The following CACNA1S variants were observed in gnomAD, a reference collection of about 807,000 sequenced individuals.
The protein encoded by CACNA1S is calcium voltage-gated channel subunit alpha1 S, also known as voltage-dependent L-type calcium channel subunit alpha-1S.
In CACNA1S, 126 loss-of-function variants were observed where a neutral mutation model predicts 207.4. That is an observed-to-expected ratio of 0.61 (90% confidence interval 0.53 to 0.70). The LOEUF (loss-of-function observed/expected upper bound fraction) is 0.70. Among genes scored for constraint, CACNA1S ranks in the 30% least tolerant of loss-of-function variants. CACNA1S has a pLI of 0.00. For synonymous variants in CACNA1S, 960 were observed against 932.7 expected, an observed-to-expected ratio of 1.03 and a Z score of -0.53; for missense variants, 2,349 against 2,422.8, an observed-to-expected ratio of 0.97 and a Z score of 0.64.
chr1:201,057,967 G>A (rs1249589721), intron 28 of CACNA1S, among the ~76,000 whole-genome samples: 1 of 152,076 alleles, frequency 6.6e-6, no homozygotes, highest in African/African-American at 2.4e-5. Context: ...ATGTTCTTAT[G>A]CTTCCAATAA....
At chr1:201,078,365 G>GT (rs889858893) in intron 10 of CACNA1S, among the ~76,000 whole-genome samples, 3 of 151,980 alleles carry the variant, frequency 2.0e-5, no homozygotes, top group Admixed American at 2.0e-4. Context: ...CATCCAGCTA[G>GT]TTTTTTGTAT....
At position 201,053,225 on chromosome 1, in the gene CACNA1S, G is replaced by A; in HGVS notation, c.3845C>T (p.Ala1282Val). The A allele has an allele frequency of 1.2e-6, 2 of 1,614,256 alleles. No homozygotes were observed. Among genetic ancestry groups the A allele is most frequent in the Non-Finnish European group, 1.7e-6 (2 of 1,180,044 alleles). ...LLIVMLFFIY[A>V]VIGMQMFGKI... ...GCCTCTCACCTGCATGCCGATGACAGCGTAGATGAAGAAGAGCATGACGAT... is the reference window on the plus strand; with the variant it reads ...GCCTCTCACCTGCATGCCGATGACAACGTAGATGAAGAAGAGCATGACGAT... The change falls in exon 31 of 44, where the codon GCT becomes GTT. Residue 1282 changes from alanine to valine, a missense_variant. By Grantham distance (64) the Ala-to-Val change is moderately conservative (BLOSUM62 0). Coordinates refer to ENST00000362061, the MANE Select transcript of CACNA1S (RefSeq NM_000069.3). The surrounding 1 kb of genome is among the most constrained non-coding windows in gnomAD (Gnocchi z 5.1).
chr1:201,059,685 T>G (rs1356247712), intron 26 of CACNA1S, among the ~76,000 whole-genome samples: 1 of 152,166 alleles, frequency 6.6e-6, no homozygotes, highest in African/African-American at 2.4e-5. Flanking sequence ...GTCATTTGGG[T>G]ACAGGACTGG....
chr1:201,047,380 C>T, intron 37 of CACNA1S, 141 bp from the exon 38 acceptor site: 1 of 1,330,706 alleles, frequency 7.5e-7, no homozygotes, highest in Non-Finnish European at 1.1e-6. Flanking sequence ...ACTTTCCATC[C>T]TGAGGTTGGA....
chr1:201,109,983 G>A (rs888014382), intron 2 of CACNA1S, among the ~76,000 whole-genome samples, 181 bp downstream of exon 2: 2 of 152,220 alleles, frequency 1.3e-5, no homozygotes, highest in Non-Finnish European at 2.9e-5. Context: ...GAATAAGCAG[G>A]TTGACCCTGG....
rs138205421 is a variant in CACNA1S at position 201,089,269 on chromosome 1, C to A, written c.889G>T (p.Val297Phe). ...GGGCCCAGACCCACCCAGTAAAGGA[C>A]GTCAGTCCATCCCTCCATGGTAATG... ...QCITMEGWTD[V>F]LYWVNDAIGN... The change falls in exon 6 of 44, where the codon GTC becomes TTC. Residue 297 changes from valine to phenylalanine, a missense_variant. Physicochemically the swap from Val to Phe is conservative, Grantham distance 50 (BLOSUM62 -1). Transcript: ENST00000362061. 1.9e-6 allele frequency: 3 copies of A among 1,614,188 alleles called. No homozygotes were observed. Among genetic ancestry groups the A allele is most frequent in the Non-Finnish European group, 2.5e-6 (3 of 1,179,992 alleles).
chr1:201,106,155 C>T (rs1662874749), intron 2 of CACNA1S, among the ~76,000 whole-genome samples: 1 of 151,952 alleles, frequency 6.6e-6, no homozygotes, highest in African/African-American at 2.4e-5. Flanking sequence ...CTCCCCCTCC[C>T]CCACACCTCC....
At chr1:201,054,440 T>G in intron 29 of CACNA1S, 65 bp downstream of exon 29, 1 of 1,484,256 alleles carries the variant, frequency 6.7e-7, no homozygotes, top group Non-Finnish European at 9.4e-7. Context: ...GCCAGGCCCA[T>G]GCATGCAAGT....
chr1:201,073,465 C>A, intron 15 of CACNA1S, 84 bp downstream of exon 15: 1 of 1,131,078 alleles, frequency 8.8e-7, no homozygotes, highest in Admixed American at 1.7e-5. Context: ...CCACCCTACC[C>A]CACCTGTACC....
chr1:201,091,602 G>T (rs759912752), intron 5 of CACNA1S, 38 bp downstream of exon 5: 9 of 1,613,374 alleles, frequency 5.6e-6, no homozygotes, highest in Non-Finnish European at 7.6e-6. Context: ...AGCCATCCTA[G>T]GCCCTGCCCC....
In CACNA1S at chr1:201,059,334, G is replaced by A; in HGVS notation, c.3415-35C>T. The A allele has an allele frequency of 2.8e-6, 4 of 1,450,886 alleles. No individual in the cohort carries two copies. In the South Asian group the frequency reaches 3.5e-5, roughly 13 times the overall value. 89.9% of individuals were successfully genotyped at this position (1,450,886 alleles called of 1,614,324 possible). A position where few individuals can be genotyped will look rare whatever the true frequency, so the allele number is the denominator to read the frequency against. ...GGACACAGGAGCAGTGGGTCAGGGG[G>A]GCCGGGTTTGCCCACCCTGTAGATT... On this transcript the variant is annotated intron_variant, in intron 26 of 43. Coordinates refer to ENST00000362061, the MANE Select transcript of CACNA1S (RefSeq NM_000069.3).
At chr1:201,095,121 G>GGGGTGT (rs1662371249) in intron 2 of CACNA1S, among the ~76,000 whole-genome samples, 1 of 148,858 alleles carries the variant, frequency 6.7e-6, no homozygotes, top group Admixed American at 6.7e-5. Context: ...AGCTCCAGGA[G>GGGGTGT]GTGTGTGTGT....
intron 10 of CACNA1S, among the ~76,000 whole-genome samples, chr1:201,081,712 G>C (rs1324446847): frequency 6.6e-6 from 1 of 152,190 alleles, no homozygotes; most frequent in African/African-American, 2.4e-5. Context: ...GGCCTGGTGG[G>C]GGGTGTTTGG....
At chr1:201,110,048 C>A in intron 2 of CACNA1S, 116 bp downstream of exon 2, 1 of 938,990 alleles carries the variant, frequency 1.1e-6, no homozygotes, top group Non-Finnish European at 1.7e-6. Flanking sequence ...GCAGGGCCTG[C>A]ATCGTCAGGG....
intron 36 of CACNA1S, among the ~76,000 whole-genome samples, chr1:201,048,311 C>G (rs984316812): frequency 1.3e-5 from 2 of 152,224 alleles, no homozygotes; most frequent in African/African-American, 4.8e-5. Context: ...GCACCCCTGA[C>G]CCCTGTGCCA....
chr1:201,047,224 A>G lies in CACNA1S; in HGVS notation c.4559T>C (p.Val1520Ala), dbSNP rs1660501118. ...GAGGAATGTGGCGTAGAACTTCCCCACTGTCACCTCATCATCTGCAGAGGA... is the reference window on the plus strand; with the variant it reads ...GAGGAATGTGGCGTAGAACTTCCCCGCTGTCACCTCATCATCTGCAGAGGA... Reference protein sequence around the residue: ...IPPIGDDEVTVGKFYATFLIQ... With the variant: ...IPPIGDDEVTAGKFYATFLIQ... The change falls in exon 38 of 44, where the codon GTG (valine) becomes GCG (alanine). Residue 1520 changes from valine (V) to alanine (A), a missense_variant. Physicochemically the swap from Val to Ala is moderately conservative, Grantham distance 64 (BLOSUM62 0). Transcript: ENST00000362061. 6.2e-7 allele frequency: 1 copy of G among 1,614,046 alleles called. No individual in the cohort carries two copies. The highest frequency in any genetic ancestry group is 1.3e-5 in the African/African-American group (1 of 74,912).
Position 201,053,385 on chromosome 1 carries a change from G to A in CACNA1S, c.3795+74C>T. 1 of 1,612,254 alleles carries A rather than the reference G, an allele frequency of 6.2e-7. No homozygotes were observed. The highest frequency in any genetic ancestry group is 8.5e-7 in the Non-Finnish European group (1 of 1,178,432). ...CTGCCTTGCCCAGGGCTCCCCTGGG[G>A]CCCACCCTGGGCTGAGGCAGATGTC... On this transcript the variant is annotated intron_variant, in intron 30 of 43. Transcript: ENST00000362061. The surrounding 1 kb of genome is among the most constrained non-coding windows in gnomAD (Gnocchi z 5.1).
At chr1:201,076,000 G>A (rs1661599867) in intron 12 of CACNA1S, among the ~76,000 whole-genome samples, 1 of 152,144 alleles carries the variant, frequency 6.6e-6, no homozygotes, top group South Asian at 2.1e-4. Flanking sequence ...CCCAGGAGGT[G>A]GAGGTTGCAG....
intron 28 of CACNA1S, among the ~76,000 whole-genome samples, chr1:201,058,202 C>T (rs1010551095): frequency 1.3e-5 from 2 of 152,200 alleles, no homozygotes; most frequent in African/African-American, 4.8e-5. Context: ...AGTAGGTACA[C>T]CCATTGTGTC....
Sources: gnomAD v4.1 joint callset for allele counts (sites outside exome capture counted in the v4.1 genomes callset) on GRCh38, gnomAD v4.1.1 for gene constraint, Gnocchi (gnomAD v3.1) non-coding constraint, MANE v1.5 for transcripts, NCBI Gene and HGNC (gene_info 2026-07-23, HGNC 2026-07-21) for gene names.